Variants in TCF20 observed in about 807,000 individuals in gnomAD.
TCF20 encodes the protein transcription factor 20.
TCF20 carries 3 observed loss-of-function variants against 148.6 expected under a neutral mutation model. The ratio of observed to expected loss-of-function variants is 0.02; its 90% confidence interval spans 0.01 to 0.05. TCF20 has a LOEUF of 0.05. Among genes scored for constraint, TCF20 ranks in the 10% least tolerant of loss-of-function variants. The pLI, the probability that TCF20 is intolerant of heterozygous loss-of-function variation, is 1.00. For missense variants in TCF20, 2,350 were observed against 2,429.3 expected, an observed-to-expected ratio of 0.97 and a Z score of 0.69; for synonymous variants, 1,049 against 909.5, an observed-to-expected ratio of 1.15 and a Z score of -2.76.
chr22:42,185,936 G>C (rs187531768), intron 2 of TCF20, among the ~76,000 whole-genome samples: 5 of 152,342 alleles, frequency 3.3e-5, no homozygotes. Context: ...CAGAGGGACA[G>C]AGACTTGTCC....
chr22:42,328,342 G>A (rs954727139), intron 1 of TCF20, among the ~76,000 whole-genome samples: 3 of 152,142 alleles, frequency 2.0e-5, no homozygotes, highest in Non-Finnish European at 2.9e-5. Flanking sequence ...GAGGCAAGAC[G>A]GGATGGGCGC....
chr22:42,201,163 CTG>C (rs1404930902), intron 2 of TCF20, among the ~76,000 whole-genome samples: 4 of 152,222 alleles, frequency 2.6e-5, no homozygotes, highest in African/African-American at 7.2e-5. Context: ...CCCTCCATGA[CTG>C]TAAGTTTCCT....
At chr22:42,225,074 T>C (rs1327603583) in intron 1 of TCF20, among the ~76,000 whole-genome samples, 1 of 151,014 alleles carries the variant, frequency 6.6e-6, no homozygotes, top group Admixed American at 6.6e-5. Flanking sequence ...TGGCTCACTG[T>C]AGCCTCTGCC....
intron 2 of TCF20, among the ~76,000 whole-genome samples, chr22:42,187,488 G>A (rs547945987): frequency 6.6e-6 from 1 of 152,310 alleles, no homozygotes; most frequent in South Asian, 2.1e-4. Flanking sequence ...GTGGTTGGGT[G>A]GTAGCTGGCC....
At chr22:42,191,034 A>G (rs1452983327) in intron 2 of TCF20, among the ~76,000 whole-genome samples, 1 of 152,188 alleles carries the variant, frequency 6.6e-6, no homozygotes, top group African/African-American at 2.4e-5. Context: ...ACAAAGGAGG[A>G]ACAAAAAACA....
chr22:42,170,435 G>A (rs1832462544), intron 3 of TCF20, among the ~76,000 whole-genome samples: 1 of 151,164 alleles, frequency 6.6e-6, no homozygotes, highest in South Asian at 2.1e-4. Context: ...TTGAGCCCAG[G>A]AGTTCAGACT....
rs1390688481 is a variant in TCF20, at chr22:42,317,415, C to T, written c.-37+26064G>A. On this transcript the variant is annotated intron_variant, in intron 1 of 1. Transcript: ENST00000515426. The surrounding 1 kb of genome is among the most constrained non-coding windows in gnomAD (Gnocchi z 4.2). Reference sequence around the variant, plus strand: ...GGGGCGGCGCTGGGTGACGGAGCTTCGATTTAAACACAGATGACGGAAAAT... The same window carrying T: ...GGGGCGGCGCTGGGTGACGGAGCTTTGATTTAAACACAGATGACGGAAAAT... Among the ~76,000 whole-genome samples, 2 of 152,132 alleles carry T rather than the reference C, an allele frequency of 1.3e-5. No homozygotes were observed. Among genetic ancestry groups the T allele is most frequent in the African/African-American group, 2.4e-5 (1 of 41,436 alleles).
intron 1 of TCF20, among the ~76,000 whole-genome samples, chr22:42,332,906 C>G (rs544572222): frequency 8.5e-5 from 13 of 152,320 alleles, no homozygotes; most frequent in Admixed American, 8.5e-4. Context: ...GTGGGGGCAG[C>G]TGCTGGCAGC....
rs754779122 is a variant in TCF20, at chr22:42,215,280, C to T, written c.26G>A (p.Ser9Asn). The T allele has an allele frequency of 1.2e-6, 2 of 1,613,840 alleles. No individual in the cohort carries two copies. Among genetic ancestry groups the T allele is most frequent in the Non-Finnish European group, 1.7e-6 (2 of 1,179,860 alleles). MQSFREQS[S>N]YHGNQQSYPQ... ...GTAGCTTTGCTGGTTTCCGTGGTAA[C>T]TGCTTTGCTCCCGAAAGGACTGCAT... Residue 9 changes from serine (S) to asparagine (N), a missense_variant, in exon 2 of 6, where the codon AGT (serine) becomes AAT (asparagine). Ser to Asn is a conservative substitution (Grantham distance 46, BLOSUM62 1). Coordinates refer to ENST00000677622, the MANE Select transcript of TCF20 (RefSeq NM_001378418.1).
upstream of TCF20, among the ~76,000 whole-genome samples, chr22:42,270,893 C>T (rs571969437): frequency 2.7e-3 from 403 of 151,408 alleles, 2 homozygotes; most frequent in African/African-American, 9.1e-3. Context: ...GGCCGCTGGG[C>T]GCCGCGCGCC....
At chr22:42,293,187 T>TCAGA (rs1454600590) in intron 1 of TCF20, among the ~76,000 whole-genome samples, 1 of 152,084 alleles carries the variant, frequency 6.6e-6, no homozygotes, top group African/African-American at 2.4e-5. Flanking sequence ...AGATCCAAGG[T>TCAGA]CAGACCCAGC....
Position 42,219,355 on chromosome 22 carries a change from C to CAAAAAAAAAAAAAAAAAAAAAAAAA in TCF20, c.-36-4039_-36-4015dup, listed in dbSNP as rs528664836. Among the ~76,000 whole-genome samples the CAAAAAAAAAAAAAAAAAAAAAAAAA allele has an allele frequency of 1.4e-3, 63 of 43,548 alleles. 5 individuals carry two copies. Among genetic ancestry groups the CAAAAAAAAAAAAAAAAAAAAAAAAA allele is most frequent in the South Asian group, 2.0e-3 (2 of 976 alleles). 28.6% of individuals were successfully genotyped at this position (43,548 alleles called of 152,430 possible). On this transcript the variant is annotated intron_variant, in intron 1 of 5. Coordinates refer to ENST00000677622, the MANE Select transcript of TCF20 (RefSeq NM_001378418.1). ...ACCCTGGGTGACAGTAACCCTGTCT[C>CAAAAAAAAAAAAAAAAAAAAAAAAA]AAAAAAAAAAAAAAAAAAAAAAAAA...
intron 1 of TCF20, among the ~76,000 whole-genome samples, chr22:42,218,637 G>A (rs566513727): frequency 6.6e-6 from 1 of 152,230 alleles, no homozygotes; most frequent in African/African-American, 2.4e-5. Flanking sequence ...TAATCCTTCT[G>A]GAAATAAAAT....
At chr22:42,269,465 G>A (rs1023942922) in intron 1 of TCF20, among the ~76,000 whole-genome samples, 2 of 152,060 alleles carry the variant, frequency 1.3e-5, no homozygotes, top group African/African-American at 4.8e-5. Context: ...CCTCGGCACC[G>A]CCCCCCAACT....
At chr22:42,293,927 G>A (rs1927178875) in intron 1 of TCF20, among the ~76,000 whole-genome samples, 1 of 152,222 alleles carries the variant, frequency 6.6e-6, no homozygotes, top group African/African-American at 2.4e-5. Context: ...TTGAACCCTG[G>A]AGCCGGAGGT....
chr22:42,242,158 G>A (rs981275415), intron 1 of TCF20, among the ~76,000 whole-genome samples: 47 of 123,790 alleles, frequency 3.8e-4, no homozygotes, highest in African/African-American at 1.4e-3. Context: ...AGCCGAAATC[G>A]CACCACCGCA....
intron 1 of TCF20, among the ~76,000 whole-genome samples, chr22:42,283,618 C>A (rs933345799): frequency 1.3e-5 from 2 of 152,156 alleles, no homozygotes; most frequent in Non-Finnish European, 2.9e-5. Flanking sequence ...AGCCGCCACT[C>A]GAGCAGCTGC....
chr22:42,290,068 G>A lies in TCF20; in HGVS notation c.-37+53411C>T, dbSNP rs867396473. On this transcript the variant is annotated intron_variant, in intron 1 of 1. Coordinates refer to the TCF20 transcript ENST00000515426. This position sits in a 1 kb window ranked among gnomAD's most constrained non-coding sequence, Gnocchi z 4.2. The stretch of plus-strand genomic sequence containing the variant: ...CACAGCCGGCTCACTCCCGCCGCAC[G>A]CATGCGCCCCCTGCACCGCCGGCTG... Among the ~76,000 whole-genome samples the A allele has an allele frequency of 2.0e-5, 3 of 152,220 alleles. No individual in the cohort carries two copies. Among genetic ancestry groups the A allele is most frequent in the East Asian group, 1.9e-4 (1 of 5,196 alleles).
intron 1 of TCF20, among the ~76,000 whole-genome samples, chr22:42,312,987 G>A (rs1015916845): frequency 4.6e-5 from 7 of 152,298 alleles, no homozygotes; most frequent in Middle Eastern, 3.4e-3. Flanking sequence ...TCCTGTCCAG[G>A]AATGCTCAGG....
Sources: allele counts gnomAD v4.1 joint callset (sites outside exome capture counted in the v4.1 genomes callset), GRCh38; gene constraint gnomAD v4.1.1; non-coding constraint Gnocchi (gnomAD v3.1); transcripts MANE v1.5; gene names NCBI Gene and HGNC (gene_info 2026-07-23, HGNC 2026-07-21).